EHMT1: variants seen among roughly 807,000 people sequenced by gnomAD.
EHMT1 encodes the protein euchromatic histone lysine methyltransferase 1.
EHMT1 carries 15 observed loss-of-function variants against 147.2 expected under a neutral mutation model. The ratio of observed to expected loss-of-function variants is 0.10; its 90% CI spans 0.07 to 0.16. The LOEUF is 0.16. EHMT1 is among the 10% of genes least tolerant of loss of function. The probability of loss-of-function intolerance (pLI) is 1.00; values close to 1 mark genes in which losing one functional copy is unlikely to be tolerated. For synonymous variants in EHMT1, 795 were observed against 709.6 expected, an observed-to-expected ratio of 1.12 and a Z score of -1.91; for missense variants, 1,587 against 1,772.4, an observed-to-expected ratio of 0.90 and a Z score of 1.88.
At chr9:137,722,742 C>T (rs1436263544) in intron 3 of EHMT1, among the ~76,000 whole-genome samples, 4 of 142,024 alleles carry the variant, frequency 2.8e-5, no homozygotes, top group Non-Finnish European at 4.6e-5. Flanking sequence ...GAGACTGTGG[C>T]GGTAGGGTGC....
At position 137,813,322 on chromosome 9, in the gene EHMT1, C is replaced by T. The variant is rs900505808; in HGVS notation, c.3036-64C>T. On this transcript the variant is annotated intron_variant, in intron 20 of 26. Coordinates refer to ENST00000460843, the MANE Select transcript of EHMT1 (RefSeq NM_024757.5). The surrounding 1 kb of genome is among the most constrained non-coding windows in gnomAD (Gnocchi z 4.9). ...GGTGTTTGCCAGCCGCCCCACTGCA[C>T]GCTGTGCCACCCCCTGGGCAGAGCA... The T allele has an allele frequency of 4.4e-5, 69 of 1,575,134 alleles. No individual in the cohort carries two copies. Among genetic ancestry groups the T allele is most frequent in the Non-Finnish European group, 5.2e-5 (61 of 1,165,534 alleles).
chr9:137,715,468 C>A, intron 2 of EHMT1: 1 of 909,266 alleles, frequency 1.1e-6, no homozygotes, highest in Non-Finnish European at 1.3e-6. Context: ...GAAGGACAGA[C>A]GGCCAGCATG....
chr9:137,747,482 G>A (rs948984209), intron 6 of EHMT1: 3 of 152,134 alleles, frequency 2.0e-5, no homozygotes, highest in Middle Eastern at 3.2e-3. Flanking sequence ...TGAATCAAAT[G>A]CAATGACATA....
At chr9:137,711,308 A>C (rs747705975) in intron 2 of EHMT1, among the ~76,000 whole-genome samples, 1 of 152,206 alleles carries the variant, frequency 6.6e-6, no homozygotes, top group Non-Finnish European at 1.5e-5. Context: ...GTGAGTGGCC[A>C]CACAAATGTT....
At chr9:137,639,013 A>G (rs1844289867) in intron 1 of EHMT1, among the ~76,000 whole-genome samples, 1 of 152,184 alleles carries the variant, frequency 6.6e-6, no homozygotes, top group Non-Finnish European at 1.5e-5. Flanking sequence ...TCCTAGGAAA[A>G]AACAGGCTGC....
intron 1 of EHMT1, among the ~76,000 whole-genome samples, chr9:137,625,303 A>G (rs1389686553): frequency 6.6e-6 from 1 of 152,204 alleles, no homozygotes; most frequent in Non-Finnish European, 1.5e-5. Flanking sequence ...GTTATGTATT[A>G]TGCAGGTGCC....
intron 2 of EHMT1, among the ~76,000 whole-genome samples, chr9:137,714,840 C>T (rs1032517243): frequency 6.6e-6 from 1 of 152,136 alleles, no homozygotes; most frequent in Non-Finnish European, 1.5e-5. Flanking sequence ...TGAGCCACCA[C>T]ACCCAGCTTA....
At chr9:137,619,325 G>C (rs1158395246) in intron 1 of EHMT1, among the ~76,000 whole-genome samples, 1 of 150,470 alleles carries the variant, frequency 6.6e-6, no homozygotes, top group African/African-American at 2.4e-5. Flanking sequence ...TGAGGGAGGC[G>C]ACCGCGTACC....
intron 4 of EHMT1, among the ~76,000 whole-genome samples, chr9:137,736,053 A>G (rs761733178): frequency 7.9e-4 from 119 of 151,544 alleles, no homozygotes; most frequent in Non-Finnish European, 1.4e-3. Flanking sequence ...CATGCTGTCT[A>G]TAAGAGACCC....
rs749159266 is a variant in EHMT1 at position 137,754,071 on chromosome 9, T to C, written c.1249-100T>C. On this transcript the variant is annotated intron_variant, in intron 7 of 26. Coordinates refer to ENST00000460843, the MANE Select transcript of EHMT1 (RefSeq NM_024757.5). ...CACCGTTTAATTGAAGATCAAGACA[T>C]AGCCAGTGTTCTGTTTTGCAAGAAA... The C allele has an allele frequency of 3.0e-4, 465 of 1,575,294 alleles. 3 individuals are homozygous for C. Among genetic ancestry groups the C allele is most frequent in the South Asian group, 2.4e-3 (213 of 89,520 alleles).
At chr9:137,623,261 C>T (rs188059966) in intron 1 of EHMT1, among the ~76,000 whole-genome samples, 2 of 151,740 alleles carry the variant, frequency 1.3e-5, no homozygotes, top group Admixed American at 1.3e-4. Flanking sequence ...CTGCCTGGTA[C>T]ACAGCATCAT....
chr9:137,639,981 C>A (rs764130814), intron 1 of EHMT1, among the ~76,000 whole-genome samples: 2 of 152,200 alleles, frequency 1.3e-5, no homozygotes, highest in Admixed American at 1.3e-4. Context: ...GTTGCCCAGG[C>A]TGGAGTGCAA....
At chr9:137,726,922 G>A (rs1310444664) in intron 3 of EHMT1, among the ~76,000 whole-genome samples, 2 of 152,322 alleles carry the variant, frequency 1.3e-5, no homozygotes, top group East Asian at 3.9e-4. Flanking sequence ...ATGAGGGTAA[G>A]CATCTTCTCA....
rs1025153586 is a variant in EHMT1 at position 137,782,065 on chromosome 9, C to T, written c.2276-226C>T. On this transcript the variant is annotated intron_variant, in intron 14 of 26. Transcript: ENST00000460843. This position sits in a 1 kb window ranked among gnomAD's most constrained non-coding sequence, Gnocchi z 5.7. ...TGGTAAAGGGAAGAGCGTGCCTTGC[C>T]GAGTTAGTTCTGACAGAGGGACCTG... Among the ~76,000 whole-genome samples, 11 of 152,066 alleles carry T rather than the reference C, an allele frequency of 7.2e-5. No individual in the cohort carries two copies. Among genetic ancestry groups the T allele is most frequent in the Admixed American group, 5.2e-4 (8 of 15,276 alleles).
intron 1 of EHMT1, among the ~76,000 whole-genome samples, chr9:137,630,970 T>A (rs549617936): frequency 1.3e-5 from 2 of 152,268 alleles, no homozygotes; most frequent in East Asian, 3.9e-4. Context: ...CCCTGGCTGC[T>A]GTGTGGAGAG....
At chr9:137,796,620 C>T (rs1952966044) in intron 16 of EHMT1, among the ~76,000 whole-genome samples, 2 of 140,086 alleles carry the variant, frequency 1.4e-5, no homozygotes, top group South Asian at 2.3e-4. Context: ...AGGAGAATGA[C>T]GTGAACCTGG....
At chr9:137,727,483 G>T (rs1946739849) in intron 3 of EHMT1, among the ~76,000 whole-genome samples, 1 of 152,168 alleles carries the variant, frequency 6.6e-6, no homozygotes, top group African/African-American at 2.4e-5. Context: ...TTTAGAAAAG[G>T]GTCCAGCTTC....
intron 10 of EHMT1, among the ~76,000 whole-genome samples, chr9:137,769,262 G>A (rs979469456): frequency 3.6e-5 from 5 of 137,714 alleles, no homozygotes; most frequent in African/African-American, 1.3e-4. Flanking sequence ...TTTGCTTTAA[G>A]TATTTTTTTT....
chr9:137,788,512 C>G (rs1952193059), intron 15 of EHMT1: 1 of 157,480 alleles, frequency 6.4e-6, no homozygotes, highest in South Asian at 1.9e-4. Context: ...GTGTAGGGGT[C>G]CTTGCAGGTG....
Sources: gnomAD v4.1 joint callset for allele counts (sites outside exome capture counted in the v4.1 genomes callset) on GRCh38, gnomAD v4.1.1 for gene constraint, Gnocchi (gnomAD v3.1) non-coding constraint, MANE v1.5 for transcripts, NCBI Gene and HGNC (gene_info 2026-07-23, HGNC 2026-07-21) for gene names.